GFPT2: variants seen among roughly 807,000 people sequenced by gnomAD.
GFPT2 encodes glutamine--fructose-6-phosphate transaminase 2.
In GFPT2, 62 loss-of-function variants were observed where a neutral mutation model predicts 85.6. The ratio of observed to expected loss-of-function variants is 0.72; its 90% CI spans 0.59 to 0.90. The LOEUF (loss-of-function observed/expected upper bound fraction) is 0.90, where lower values mean the gene tolerates loss of function less well. Among genes scored for constraint, GFPT2 ranks in the 40% least tolerant of loss-of-function variants. The pLI is 0.00. For synonymous variants in GFPT2, 368 were observed against 344.5 expected (o/e 1.07, Z -0.75); for missense variants, 788 against 893.4 (o/e 0.88, Z 1.50).
intron 4 of GFPT2, 94 bp downstream of exon 4, chr5:180,335,734 T>C: frequency 7.8e-7 from 1 of 1,285,124 alleles, no homozygotes; most frequent in South Asian, 1.4e-5. Context: ...AGAAGTCAGT[T>C]AGAGGTGGGC....
In GFPT2 at chr5:180,307,214, G is replaced by A. The variant is rs1462835345; in HGVS notation, c.1636C>T (p.Arg546Trp). Reference sequence around the variant, plus strand: ...AGGCAGGTGGCATAGTTGTAGCCCCGCCCCATCACCAGCAGCGATCTCTGC... The same window carrying A: ...AGGCAGGTGGCATAGTTGTAGCCCCACCCCATCACCAGCAGCGATCTCTGC... ...YTQRSLLVMG[R>W]GYNYATCLEG... The change falls in exon 16 of 19, where the codon CGG becomes TGG. Residue 546 changes from arginine (R) to tryptophan (W), a missense_variant. Transcript: ENST00000253778. 6.2e-7 allele frequency: 1 copy of A among 1,608,914 alleles called. No homozygotes were observed. The highest frequency in any genetic ancestry group is 8.5e-7 in the Non-Finnish European group (1 of 1,177,884).
rs140807051 is a variant in GFPT2, at chr5:180,313,146, C to T, written c.1432-602G>A. On this transcript the variant is annotated intron_variant, in intron 14 of 18. Transcript: ENST00000253778. ...AACTCCTGGGTTCAAGGGATGCTCC[C>T]GCCTCAGCCTCCCACAGTGCTGGGA... Among the ~76,000 whole-genome samples, 29 of 151,750 alleles carry T rather than the reference C, an allele frequency of 1.9e-4. No individual in the cohort carries two copies. In the East Asian group the frequency reaches 5.3e-3, roughly 28 times the overall value.
At position 180,318,995 on chromosome 5, in the gene GFPT2, T is replaced by C; in HGVS notation, c.795-39A>G. On this transcript the variant is annotated intron_variant, in intron 9 of 18. Transcript: ENST00000253778. This position sits in a 1 kb window ranked among gnomAD's most constrained non-coding sequence, Gnocchi z 4.2. ...AACAGGCATCATCAGTGCCCTGCCC[T>C]GAGCAGTTACGAGGCAGCAGCCCCT... 3 of 1,591,828 alleles carry C rather than the reference T, an allele frequency of 1.9e-6. No individual in the cohort carries two copies. Among genetic ancestry groups the C allele is most frequent in the Non-Finnish European group, 2.6e-6 (3 of 1,166,706 alleles).
At chr5:180,324,126 G>A (rs1241006265) in intron 9 of GFPT2, 62 bp downstream of exon 9, 2 of 933,532 alleles carry the variant, frequency 2.1e-6, no homozygotes, top group Admixed American at 1.9e-5. Flanking sequence ...AACCGGCAGT[G>A]TTTAGACAGG....
intron 1 of GFPT2, among the ~76,000 whole-genome samples, chr5:180,346,021 G>T (rs1581391005): frequency 6.6e-6 from 1 of 151,988 alleles, no homozygotes; most frequent in Admixed American, 6.6e-5. Flanking sequence ...GGACTGGCAT[G>T]AGGACAGCCT....
chr5:180,331,323 T>C (rs58584247), intron 5 of GFPT2, 172 bp downstream of exon 5: 14,021 of 606,916 alleles, frequency 0.023, 671 homozygotes, highest in African/African-American at 0.15. Context: ...AAACGAGATC[T>C]GCAGGGCCTG....
At chr5:180,345,434 G>A (rs886767157) in intron 1 of GFPT2, among the ~76,000 whole-genome samples, 25 of 152,282 alleles carry the variant, frequency 1.6e-4, no homozygotes, top group African/African-American at 5.8e-4. Flanking sequence ...GCCCACAGGG[G>A]AGGTGGGAAA....
intron 15 of GFPT2, among the ~76,000 whole-genome samples, chr5:180,308,914 A>G (rs1689135258): frequency 6.6e-6 from 1 of 151,706 alleles, no homozygotes; most frequent in African/African-American, 2.4e-5. Context: ...CTGTCACCCA[A>G]CCTGGGGTGC....
intron 1 of GFPT2, chr5:180,352,280 A>G: frequency 2.6e-6 from 1 of 386,756 alleles, no homozygotes; most frequent in Non-Finnish European, 5.0e-6. Flanking sequence ...TGGCTTCGAA[A>G]GTTCCTCCAG....
intron 6 of GFPT2, among the ~76,000 whole-genome samples, chr5:180,329,729 G>A (rs1006322345): frequency 1.3e-5 from 2 of 152,196 alleles, no homozygotes; most frequent in Non-Finnish European, 2.9e-5. Context: ...TGGACTCTGG[G>A]CCAGTGTCCA....
chr5:180,322,019 T>C (rs2127651736), intron 9 of GFPT2, among the ~76,000 whole-genome samples: 1 of 152,136 alleles, frequency 6.6e-6, no homozygotes, highest in African/African-American at 2.4e-5. Flanking sequence ...GATCTCCTGA[T>C]CTCATGATCT....
intron 7 of GFPT2, among the ~76,000 whole-genome samples, chr5:180,326,646 A>T (rs1430158065): frequency 6.6e-6 from 1 of 152,214 alleles, no homozygotes; most frequent in Non-Finnish European, 1.5e-5. Flanking sequence ...CAAATCTGAG[A>T]CATAGTTCTG....
chr5:180,320,203 A>G (rs895973847), intron 9 of GFPT2, among the ~76,000 whole-genome samples: 2 of 151,930 alleles, frequency 1.3e-5, no homozygotes, highest in African/African-American at 4.8e-5. Context: ...CGTGTTAGCC[A>G]GGATGGTCTC....
chr5:180,353,278 C>T lies in GFPT2; in HGVS notation c.-61G>A. On this transcript the variant is annotated 5_prime_UTR_variant, in exon 1 of 19. Transcript: ENST00000253778. ...GGGTCTGCCCGTTCGGACGCTGGGG[C>T]TCCTCCGTGGGCTCCTCCGTGGGCT... is the stretch of plus-strand genomic sequence containing the variant. The T allele has an allele frequency of 8.1e-6, 10 of 1,229,212 alleles. No individual in the cohort carries two copies. The highest frequency in any genetic ancestry group is 9.2e-6 in the Non-Finnish European group (9 of 979,008). 76.1% of individuals were successfully genotyped at this position (1,229,212 alleles called of 1,614,324 possible). A position where few individuals can be genotyped will look rare whatever the true frequency, so the allele number is the denominator to read the frequency against.
In GFPT2 at chr5:180,347,556, C is replaced by G. The variant is rs547658057; in HGVS notation, c.7+5655G>C. 5.3e-4 allele frequency among the ~76,000 whole-genome samples: 80 copies of G among 152,102 alleles called. 1 individual carries two copies. In the South Asian group the frequency reaches 0.016, roughly 31 times the overall value. On this transcript the variant is annotated intron_variant, in intron 1 of 18. Coordinates refer to ENST00000253778, the MANE Select transcript of GFPT2 (RefSeq NM_005110.4). ...CGAGAGGAGACTGTAGCCTCTTGGCCCCGGCTCACTGCTATATTCTGGGGC... is the reference window on the plus strand; with the variant it reads ...CGAGAGGAGACTGTAGCCTCTTGGCGCCGGCTCACTGCTATATTCTGGGGC...
intron 16 of GFPT2, among the ~76,000 whole-genome samples, chr5:180,306,759 C>G (rs1763785859): frequency 6.6e-6 from 1 of 152,302 alleles, no homozygotes; most frequent in East Asian, 1.9e-4. Flanking sequence ...TGATTCGGGT[C>G]CCCTACGTCA....
rs1764161818 is a variant in GFPT2, at chr5:180,323,588, G to A, written c.794+600C>T. 6.7e-6 allele frequency among the ~76,000 whole-genome samples: 1 copy of A among 150,322 alleles called. No homozygotes were observed. The highest frequency in any genetic ancestry group is 1.5e-5 in the Non-Finnish European group (1 of 67,630). On this transcript the variant is annotated intron_variant, in intron 9 of 18. Transcript: ENST00000253778. This position sits in a 1 kb window ranked among gnomAD's most constrained non-coding sequence, Gnocchi z 4.0. ...TGTGTGTATAACTTTTTTTTTTTCT[G>A]AAATGAGTATAAAGCAGAATTTCTC...
At chr5:180,334,088 C>T (rs1561881351) in intron 4 of GFPT2, among the ~76,000 whole-genome samples, 1 of 152,198 alleles carries the variant, frequency 6.6e-6, no homozygotes, top group African/African-American at 2.4e-5. Context: ...GTCTGCTGTC[C>T]TCCTCCTGGA....
intron 13 of GFPT2, 31 bp downstream of exon 13, chr5:180,316,310 C>T (rs1764008624): frequency 6.2e-7 from 1 of 1,612,810 alleles, no homozygotes; most frequent in East Asian, 2.2e-5. Flanking sequence ...TGACCTGATG[C>T]AAGGCTGGCC....
Sources: gnomAD v4.1 joint callset for allele counts (sites outside exome capture counted in the v4.1 genomes callset) on GRCh38, gnomAD v4.1.1 for gene constraint, Gnocchi (gnomAD v3.1) non-coding constraint, MANE v1.5 for transcripts, NCBI Gene and HGNC (gene_info 2026-07-23, HGNC 2026-07-21) for gene names.